SLC9B1: variants seen among roughly 807,000 people sequenced by gnomAD.
SLC9B1 encodes the protein sodium/hydrogen exchanger 9B1.
Under a neutral mutation model 51.7 loss-of-function variants are expected in SLC9B1, and 32 were observed. The observed-to-expected ratio is 0.62, with a 90% CI of 0.47 to 0.83. The LOEUF is 0.83. Ranked by LOEUF, SLC9B1 falls within the 40% of genes least tolerant of loss-of-function variation. The probability of loss-of-function intolerance (pLI) is 0.00; values close to 1 mark genes in which losing one functional copy is unlikely to be tolerated. For missense variants in SLC9B1, 406 were observed against 613.2 expected, an observed-to-expected ratio of 0.66 and a Z score of 3.57; for synonymous variants, 145 against 212.7, an observed-to-expected ratio of 0.68 and a Z score of 2.77.
chr4:102,916,253 T>C (rs956282196), intron 7 of SLC9B1, among the ~76,000 whole-genome samples: 1 of 152,158 alleles, frequency 6.6e-6, no homozygotes, highest in African/African-American at 2.4e-5. Flanking sequence ...GAAAAAGATA[T>C]TCAATGCAGT....
intron 3 of SLC9B1, among the ~76,000 whole-genome samples, chr4:102,989,107 A>G (rs1247589842): frequency 8.3e-6 from 1 of 120,248 alleles, no homozygotes; most frequent in East Asian, 2.6e-4. Context: ...TTTACTAATG[A>G]AAAAAATCAA....
intron 7 of SLC9B1, among the ~76,000 whole-genome samples, chr4:102,915,630 A>G (rs1735541421): frequency 6.6e-6 from 1 of 152,196 alleles, no homozygotes; most frequent in Non-Finnish European, 1.5e-5. Flanking sequence ...TGGTCCTCCC[A>G]TTTTGGCCTC....
At chr4:102,991,861 T>A in intron 1 of SLC9B1, 149 bp from the exon 2 acceptor site, 1 of 526,220 alleles carries the variant, frequency 1.9e-6, no homozygotes, top group Non-Finnish European at 3.3e-6. Flanking sequence ...ATAGTCAACA[T>A]AGATCCAAAT....
At chr4:102,930,376 G>C (rs938975780) in intron 7 of SLC9B1, among the ~76,000 whole-genome samples, 1 of 151,776 alleles carries the variant, frequency 6.6e-6, no homozygotes, top group Non-Finnish European at 1.5e-5. Context: ...TGAAGAATAG[G>C]TACAAATATT....
rs1246068482 is a variant in SLC9B1 at position 102,951,966 on chromosome 4, T to TTTTTATTTTTTA, written c.212-2540_212-2539insTAAAAAATAAAA. 3.7e-4 allele frequency among the ~76,000 whole-genome samples: 4 copies of TTTTTATTTTTTA among 10,880 alleles called. 2 individuals are homozygous for TTTTTATTTTTTA. The East Asian group carries it at 0.013, about 36-fold the overall frequency. 7.1% of individuals were successfully genotyped at this position (10,880 alleles called of 152,430 possible). On this transcript the variant is annotated intron_variant, in intron 3 of 11. Coordinates refer to ENST00000296422, the MANE Select transcript of SLC9B1 (RefSeq NM_139173.4). ...CCAAAGGCAAAAATAAAATCTTTTT[T>TTTTTATTTTTTA]TTTTTTTTTTTTTTATTATACTCTA...
At chr4:102,932,078 A>G in intron 7 of SLC9B1, 46 bp downstream of exon 7, 2 of 1,585,968 alleles carry the variant, frequency 1.3e-6, no homozygotes, top group Non-Finnish European at 1.7e-6. Context: ...AGAAGTAACA[A>G]AAAAGGTCAT....
intron 7 of SLC9B1, among the ~76,000 whole-genome samples, chr4:102,922,928 A>C (rs1357246075): frequency 6.7e-6 from 1 of 149,214 alleles, no homozygotes; most frequent in East Asian, 1.9e-4. Flanking sequence ...CCTACCAACC[A>C]AAAAAAAAGT....
chr4:102,996,495 A>G (rs932823372), intron 1 of SLC9B1, among the ~76,000 whole-genome samples: 1 of 152,178 alleles, frequency 6.6e-6, no homozygotes. Context: ...TTCCACAAAC[A>G]TTATTGTTTT....
At chr4:102,946,545 G>T in intron 5 of SLC9B1, 102 bp downstream of exon 5, 1 of 1,285,592 alleles carries the variant, frequency 7.8e-7, no homozygotes, top group Non-Finnish European at 1.1e-6. Context: ...TTTGTTTACA[G>T]ACTCTATTTG....
intron 6 of SLC9B1, among the ~76,000 whole-genome samples, chr4:102,941,043 ACCATTCTGGACACAGG>A (rs1190382165): frequency 6.6e-6 from 1 of 152,198 alleles, no homozygotes; most frequent in Non-Finnish European, 1.5e-5. Context: ...CCTAAGAAAT[ACCATTCTGGACACAGG>A]CCATTCTGGA....
chr4:102,899,516 C>T (rs1417519665), downstream of SLC9B1, among the ~76,000 whole-genome samples: 9 of 151,722 alleles, frequency 5.9e-5, no homozygotes, highest in East Asian at 1.9e-4. Flanking sequence ...TGGGTTCAAG[C>T]GATTCTCCTG....
At position 102,910,506 on chromosome 4, in the gene SLC9B1, T is replaced by C; in HGVS notation, c.1019A>G (p.His340Arg). 7 of 1,565,660 alleles carry C rather than the reference T, an allele frequency of 4.5e-6. No homozygotes were observed. Among genetic ancestry groups the C allele is most frequent in the Non-Finnish European group, 6.0e-6 (7 of 1,160,044 alleles). Residue 340 changes from histidine to arginine, a missense_variant, in exon 9 of 12, where the codon CAT becomes CGT. His to Arg is a conservative substitution (Grantham distance 29, BLOSUM62 0). This residue lies in a region of SLC9B1 where 250 missense variants were observed against 394.1 expected (regional missense o/e 0.63). Transcript: ENST00000296422. ...AVLGSQRIGL[H>R]GSGGLCTLVL... ...TAGTGTGCATAATCCTCCAGATCCA[T>C]GTAAACCAATACGTTGGCTGCCTAA... is the stretch of plus-strand genomic sequence containing the variant.
chr4:103,018,157 T>C lies in SLC9B1; in HGVS notation c.-2+1442A>G, dbSNP rs554735666. On this transcript the variant is annotated intron_variant, in intron 1 of 11. Transcript: ENST00000296422. Reference sequence around the variant, plus strand: ...AACCAACAGAAGTGTTTAAACAGGATGAGTACAAAAATAAGTACAAAATGA... The same window carrying C: ...AACCAACAGAAGTGTTTAAACAGGACGAGTACAAAAATAAGTACAAAATGA... Among the ~76,000 whole-genome samples, 16 of 152,312 alleles carry C rather than the reference T, an allele frequency of 1.1e-4. No homozygotes were observed. The South Asian group carries it at 3.3e-3, about 32-fold the overall frequency.
chr4:102,905,751 G>C, intron 10 of SLC9B1, 101 bp from the exon 11 acceptor site: 1 of 1,096,334 alleles, frequency 9.1e-7, no homozygotes, highest in Non-Finnish European at 1.3e-6. Flanking sequence ...ACATTTTAAG[G>C]CTATTGTCTC....
intron 6 of SLC9B1, among the ~76,000 whole-genome samples, chr4:102,940,649 T>C (rs1463612922): frequency 3.3e-5 from 5 of 152,170 alleles, no homozygotes; most frequent in Non-Finnish European, 5.9e-5. Flanking sequence ...CAAAACAGCA[T>C]GGTTATGCTC....
In SLC9B1 at chr4:103,008,797, CTTTTT is replaced by C. The variant is rs34403441; in HGVS notation, c.-2+10797_-2+10801del. Among the ~76,000 whole-genome samples, 8 of 99,458 alleles carry C rather than the reference CTTTTT, an allele frequency of 8.0e-5. No individual in the cohort carries two copies. The Admixed American group carries it at 8.4e-4, about 10-fold the overall frequency. The allele number at this position is 99,458 out of a possible 152,430, so 65.2% of individuals were successfully genotyped here. On this transcript the variant is annotated intron_variant, in intron 1 of 11. Transcript: ENST00000296422. ...GATGATCTAAGGGCTTTAACAGTTT[CTTTTT>C]TTTTTTTTTTTTTTTGAGACGGAGT...
intron 7 of SLC9B1, among the ~76,000 whole-genome samples, chr4:102,930,891 GT>G: frequency 1.3e-5 from 2 of 152,082 alleles, no homozygotes; most frequent in South Asian, 4.2e-4. Flanking sequence ...AAAGAAACAT[GT>G]TTGTGATATA....
intron 6 of SLC9B1, among the ~76,000 whole-genome samples, chr4:102,936,673 C>G (rs1018015344): frequency 1.3e-5 from 2 of 152,136 alleles, no homozygotes; most frequent in Admixed American, 1.3e-4. Context: ...TCAAAGACCA[C>G]TTCTTTGAAT....
intron 3 of SLC9B1, chr4:102,963,236 TG>T: frequency 2.9e-6 from 1 of 341,114 alleles, no homozygotes; most frequent in Admixed American, 4.0e-5. Flanking sequence ...GCCTCAACTC[TG>T]GAGTTATTTC....
Sources: gnomAD v4.1 joint callset for allele counts (sites outside exome capture counted in the v4.1 genomes callset) on GRCh38, gnomAD v4.1.1 for gene constraint, gnomAD v4.1.1 regional missense constraint, MANE v1.5 for transcripts, NCBI Gene and HGNC (gene_info 2026-07-23, HGNC 2026-07-21) for gene names.